AAK1: variants seen among roughly 807,000 people sequenced by gnomAD.
AAK1 encodes AP2-associated protein kinase 1.
In AAK1, 37 loss-of-function variants were observed where a neutral mutation model predicts 116.0. The ratio of observed to expected loss-of-function variants is 0.32; its 90% CI spans 0.25 to 0.42. AAK1 has a LOEUF of 0.42. AAK1 is among the 10% of genes least tolerant of loss of function. The pLI is 1.00. For synonymous variants in AAK1, 458 were observed against 439.9 expected (o/e 1.04, Z -0.51); for missense variants, 919 against 1,170.6 (o/e 0.79, Z 3.14).
At chr2:69,610,631 G>C (rs1227793289) in intron 2 of AAK1, among the ~76,000 whole-genome samples, 2 of 152,082 alleles carry the variant, frequency 1.3e-5, no homozygotes, top group Non-Finnish European at 2.9e-5. Context: ...TTAACATCCA[G>C]AAAATATTAA....
In AAK1 at chr2:69,461,499, CA is replaced by C. The variant is rs571167118; in HGVS notation, c.*14369del. 12,271 of 157,832 alleles carry C rather than the reference CA, an allele frequency of 0.078. 23 individuals are homozygous for C. The highest frequency in any genetic ancestry group is 0.17 in the South Asian group (3,065 of 17,626). The allele number at this position is 157,832 out of a possible 1,614,324, so 9.8% of individuals were successfully genotyped here. ...AAGTCAAAGTTTTTTCATGCATCAC[CA>C]AAAAAAAAAAAAAAAGTAATTTGCA... is the stretch of plus-strand genomic sequence containing the variant. On this transcript the variant is annotated 3_prime_UTR_variant, in exon 22 of 22. Coordinates refer to ENST00000409085, the MANE Select transcript of AAK1 (RefSeq NM_014911.5).
Position 69,468,990 on chromosome 2 carries a change from A to C in AAK1, c.*6879T>G, listed in dbSNP as rs1674586299. ...ATAATTTACAAAAACAGTCACAAAA[A>C]CACCAGAATATCAAGTTTGAAGGGA... On this transcript the variant is annotated 3_prime_UTR_variant, in exon 22 of 22. Coordinates refer to ENST00000409085, the MANE Select transcript of AAK1 (RefSeq NM_014911.5). 1 of 985,334 alleles carries C rather than the reference A, an allele frequency of 1.0e-6. No homozygotes were observed. Among genetic ancestry groups the C allele is most frequent in the Non-Finnish European group, 1.2e-6 (1 of 829,934 alleles). 61.0% of individuals were successfully genotyped at this position (985,334 alleles called of 1,614,324 possible).
intron 2 of AAK1, among the ~76,000 whole-genome samples, chr2:69,560,902 CA>C (rs1242097108): frequency 6.6e-6 from 1 of 152,216 alleles, no homozygotes; most frequent in African/African-American, 2.4e-5. Context: ...AGGCTACATA[CA>C]GATAGTAGCA....
chr2:69,580,793 A>G (rs117258286), intron 2 of AAK1, among the ~76,000 whole-genome samples: 1,724 of 152,354 alleles, frequency 0.011, 86 homozygotes, highest in Admixed American at 0.088. Context: ...TATAAAACCA[A>G]AAGACTGAAT....
In AAK1 at chr2:69,459,678, CA is replaced by C. The variant is rs1674293248; in HGVS notation, c.*16190del. On this transcript the variant is annotated 3_prime_UTR_variant, in exon 22 of 22. Transcript: ENST00000409085. ...AACATGATCATTCAACTGTGCCATT[CA>C]TCATGCACTTATTGACATGCTCAAA... The C allele has an allele frequency of 6.6e-6, 1 of 152,192 alleles. No homozygotes were observed. The highest frequency in any genetic ancestry group is 2.1e-4 in the South Asian group (1 of 4,834). 9.4% of individuals were successfully genotyped at this position (152,192 alleles called of 1,614,324 possible).
chr2:69,525,243 G>T, intron 9 of AAK1, 131 bp from the exon 10 acceptor site: 1 of 814,166 alleles, frequency 1.2e-6, no homozygotes, highest in Non-Finnish European at 1.9e-6. Flanking sequence ...CAGCTTCCAG[G>T]CCCTGAGCTC....
chr2:69,577,490 A>G, intron 2 of AAK1, among the ~76,000 whole-genome samples: 1 of 151,986 alleles, frequency 6.6e-6, no homozygotes, highest in East Asian at 1.9e-4. Flanking sequence ...GTGCCCTAAC[A>G]CTCATTCCAG....
rs2104855522 is a variant in AAK1 at position 69,463,472 on chromosome 2, A to C, written c.*12397T>G. On this transcript the variant is annotated 3_prime_UTR_variant, in exon 22 of 22. Transcript: ENST00000409085. ...ATCCTTCCAGCTCAGCCTCCTGAGT[A>C]GCTACAGGCATATGTCACCATACCC... 6.6e-6 allele frequency: 1 copy of C among 152,234 alleles called. No homozygotes were observed. Among genetic ancestry groups the C allele is most frequent in the East Asian group, 1.9e-4 (1 of 5,168 alleles). The allele number at this position is 152,234 out of a possible 1,614,324, so 9.4% of individuals were successfully genotyped here.
Position 69,461,608 on chromosome 2 carries a change from T to C in AAK1, c.*14261A>G, listed in dbSNP as rs940927649. ...TCTCCAGTGACAATTTTTTTTTTTT[T>C]TTTGAGGCGGAGTTTTGCTCTTCTC... On this transcript the variant is annotated 3_prime_UTR_variant, in exon 22 of 22. Transcript: ENST00000409085. 4 of 433,500 alleles carry C rather than the reference T, an allele frequency of 9.2e-6. No individual in the cohort carries two copies. The Admixed American group carries it at 1.0e-4, about 11-fold the overall frequency. The allele number at this position is 433,500 out of a possible 1,614,324, so 26.9% of individuals were successfully genotyped here.
chr2:69,486,813 C>T (rs1055095743), intron 17 of AAK1, among the ~76,000 whole-genome samples: 6 of 152,184 alleles, frequency 3.9e-5, no homozygotes, highest in African/African-American at 1.4e-4. Context: ...AGAGCCTGGA[C>T]TTGTCTCTGA....
intron 2 of AAK1, among the ~76,000 whole-genome samples, chr2:69,623,237 C>T (rs1384191135): frequency 2.0e-5 from 3 of 152,178 alleles, no homozygotes; most frequent in Non-Finnish European, 4.4e-5. Context: ...ACTCCAAACA[C>T]ACCGCCTTTA....
intron 2 of AAK1, among the ~76,000 whole-genome samples, chr2:69,632,647 C>T (rs955335289): frequency 3.3e-5 from 5 of 152,214 alleles, no homozygotes; most frequent in Admixed American, 6.5e-5. Context: ...GCCTGTAATC[C>T]CAACACTTTG....
intron 2 of AAK1, among the ~76,000 whole-genome samples, chr2:69,608,283 C>T (rs909093012): frequency 2.6e-5 from 4 of 152,216 alleles, no homozygotes; most frequent in African/African-American, 7.2e-5. Context: ...AGCTCCCTGC[C>T]CAGGCCAACA....
rs760673177 is a variant in AAK1, at chr2:69,480,865, C to T, written c.2564G>A (p.Arg855His). The T allele has an allele frequency of 7.5e-6, 12 of 1,592,434 alleles. No homozygotes were observed. The highest frequency in any genetic ancestry group is 9.4e-6 in the Non-Finnish European group (11 of 1,169,760). Residue 855 changes from arginine to histidine, a missense_variant, in exon 19 of 22, where the codon CGC (arginine) becomes CAC (histidine). Arg to His is a conservative substitution (Grantham distance 29, BLOSUM62 0). Around this residue, in one of 4 missense-constraint regions of AAK1, gnomAD observed 263 missense variants for 285.5 expected, o/e 0.92. Transcript: ENST00000409085. Reference protein sequence around the residue: ...PSQTESVTSNRTDSLTGEDSL... With the variant: ...PSQTESVTSNHTDSLTGEDSL... ...TGCAGAGACACCTGACTGACCTGTG[C>T]GATTCGAGGTCACAGATTCCGTCTG...
chr2:69,510,652 T>A (rs1339505147), intron 13 of AAK1, among the ~76,000 whole-genome samples: 6 of 152,220 alleles, frequency 3.9e-5, no homozygotes, highest in African/African-American at 1.2e-4. Context: ...TTGAACTAAC[T>A]TATACTCCCA....
At chr2:69,500,751 G>C (rs1286214018) in intron 16 of AAK1, among the ~76,000 whole-genome samples, 1 of 137,978 alleles carries the variant, frequency 7.2e-6, no homozygotes, top group African/African-American at 2.8e-5. Context: ...GCAGCCTTTG[G>C]AGTAAATATA....
chr2:69,508,418 T>C (rs1311102188), intron 14 of AAK1, among the ~76,000 whole-genome samples: 1 of 152,218 alleles, frequency 6.6e-6, no homozygotes, highest in Non-Finnish European at 1.5e-5. Context: ...CTTAACTTCA[T>C]TGAAAGATTT....
At chr2:69,511,201 G>C (rs181711701) in intron 13 of AAK1, among the ~76,000 whole-genome samples, 30 of 152,306 alleles carry the variant, frequency 2.0e-4, no homozygotes, top group African/African-American at 7.0e-4. Context: ...TGCAGTCTCA[G>C]TGTCTACAAA....
chr2:69,574,501 G>C (rs545407080), intron 2 of AAK1, among the ~76,000 whole-genome samples: 350 of 151,644 alleles, frequency 2.3e-3, no homozygotes, highest in Non-Finnish European at 4.1e-3. Flanking sequence ...GAGCCAGGGA[G>C]TTCAAGGCTG....
Sources: allele counts gnomAD v4.1 joint callset (sites outside exome capture counted in the v4.1 genomes callset), GRCh38; gene constraint gnomAD v4.1.1; regional missense constraint gnomAD v4.1.1; transcripts MANE v1.5; gene names NCBI Gene and HGNC (gene_info 2026-07-23, HGNC 2026-07-21).